RGS6: variants seen among roughly 807,000 people sequenced by gnomAD.
RGS6 encodes regulator of G-protein signaling 6.
In RGS6, 30 loss-of-function variants were observed where a neutral mutation model predicts 78.5. The ratio of observed to expected loss-of-function variants is 0.38; its 90% CI spans 0.29 to 0.52. The LOEUF (loss-of-function observed/expected upper bound fraction) is 0.52. RGS6 is among the 20% of genes least tolerant of loss of function. The pLI is 0.85. For missense variants in RGS6, 495 were observed against 609.7 expected (o/e 0.81, Z 1.98); for synonymous variants, 206 against 206.0 (o/e 1.00, Z 0.00).
intron 2 of RGS6, among the ~76,000 whole-genome samples, chr14:71,990,066 A>C (rs2094889790): frequency 6.6e-6 from 1 of 152,182 alleles, no homozygotes; most frequent in African/African-American, 2.4e-5. Flanking sequence ...GTCAAAGGAG[A>C]AGTGAGTACG....
At chr14:71,917,384 AG>A in the RGS6 span, among the ~76,000 whole-genome samples, 1 of 152,208 alleles carries the variant, frequency 6.6e-6, no homozygotes. Context: ...TGCTGTTAAA[AG>A]TATACATAAA....
At chr14:72,206,871 C>T (rs1054912866) in intron 2 of RGS6, among the ~76,000 whole-genome samples, 1 of 149,588 alleles carries the variant, frequency 6.7e-6, no homozygotes, top group Non-Finnish European at 1.5e-5. Flanking sequence ...ATATAAAATA[C>T]ATGTACAACC....
intron 3 of RGS6, among the ~76,000 whole-genome samples, chr14:72,413,864 A>T (rs531485100): frequency 1.3e-5 from 2 of 152,306 alleles, no homozygotes; most frequent in East Asian, 1.9e-4. Context: ...CTGGATTGAA[A>T]ATTCTTTTCT....
At chr14:72,425,014 T>C (rs1000885664) in intron 3 of RGS6, among the ~76,000 whole-genome samples, 10 of 152,226 alleles carry the variant, frequency 6.6e-5, no homozygotes, top group African/African-American at 2.4e-5. Context: ...AAGTGTTTGC[T>C]GAATGAATGA....
chr14:72,145,354 A>G (rs1360432698), intron 2 of RGS6, among the ~76,000 whole-genome samples: 1 of 152,184 alleles, frequency 6.6e-6, no homozygotes, highest in Non-Finnish European at 1.5e-5. Flanking sequence ...CAAACCATGG[A>G]CAGAATTCCT....
intron 2 of RGS6, among the ~76,000 whole-genome samples, chr14:72,024,863 T>G (rs1348503811): frequency 6.6e-6 from 1 of 152,130 alleles, no homozygotes; most frequent in Non-Finnish European, 1.5e-5. Context: ...ATAACAAAAT[T>G]CAAGGAATGT....
chr14:72,301,817 T>G (rs1372395705), intron 2 of RGS6, among the ~76,000 whole-genome samples: 1 of 152,122 alleles, frequency 6.6e-6, no homozygotes, highest in East Asian at 1.9e-4. Flanking sequence ...CTGTTGTATG[T>G]CTCCAAGTCC....
chr14:72,032,370 AAAT>A (rs1303354875), intron 2 of RGS6, among the ~76,000 whole-genome samples: 4 of 152,318 alleles, frequency 2.6e-5, no homozygotes, highest in Admixed American at 6.5e-5. Flanking sequence ...AAGTCAAAAT[AAAT>A]AATATCTCAA....
At chr14:72,204,964 T>A (rs2042383233) in intron 2 of RGS6, among the ~76,000 whole-genome samples, 1 of 151,954 alleles carries the variant, frequency 6.6e-6, no homozygotes, top group South Asian at 2.1e-4. Flanking sequence ...CCAGGCAGGG[T>A]TTTCCTGCAC....
chr14:72,434,376 A>C (rs1183610928), intron 3 of RGS6, among the ~76,000 whole-genome samples: 1 of 152,204 alleles, frequency 6.6e-6, no homozygotes, highest in African/African-American at 2.4e-5. Context: ...AAATGTTTTT[A>C]ATGTATCTCA....
At chr14:72,489,381 C>T (rs1249673417) in intron 12 of RGS6, among the ~76,000 whole-genome samples, 2 of 152,154 alleles carry the variant, frequency 1.3e-5, no homozygotes, top group Admixed American at 1.3e-4. Context: ...TCTCTGTATC[C>T]CCACATCCAG....
chr14:72,461,703 AAAACCAGT>A (rs1384414862), intron 6 of RGS6, among the ~76,000 whole-genome samples: 1 of 152,124 alleles, frequency 6.6e-6, no homozygotes, highest in South Asian at 2.1e-4. Flanking sequence ...AAAACAAAGA[AAAACCAGT>A]ACTCCCCAGG....
chr14:72,496,464 A>C (rs2096647003), intron 13 of RGS6, among the ~76,000 whole-genome samples: 1 of 152,272 alleles, frequency 6.6e-6, no homozygotes, highest in Non-Finnish European at 1.5e-5. Flanking sequence ...AGAACTGCAC[A>C]AAAATTAACA....
chr14:72,263,451 C>T (rs1196694096), intron 2 of RGS6, among the ~76,000 whole-genome samples: 3 of 152,172 alleles, frequency 2.0e-5, no homozygotes, highest in African/African-American at 7.2e-5. Flanking sequence ...TCTCTCTGCA[C>T]TCCTCCTCCA....
chr14:72,195,187 G>A (rs372907994), intron 2 of RGS6, among the ~76,000 whole-genome samples: 12 of 151,578 alleles, frequency 7.9e-5, no homozygotes, highest in African/African-American at 2.7e-4. Flanking sequence ...CGGCCTGGGC[G>A]ACAGAGTGAA....
downstream of RGS6, among the ~76,000 whole-genome samples, chr14:72,570,248 G>A (rs2097718764): frequency 6.6e-6 from 1 of 152,178 alleles, no homozygotes; most frequent in South Asian, 2.1e-4. Flanking sequence ...AAAGTATATA[G>A]GAGGATGTGC....
intron 3 of RGS6, among the ~76,000 whole-genome samples, chr14:72,384,352 C>T (rs2152908549): frequency 6.6e-6 from 1 of 152,262 alleles, no homozygotes. Flanking sequence ...ATATACATTT[C>T]AGTCCACACA....
intron 2 of RGS6, among the ~76,000 whole-genome samples, chr14:72,347,342 G>T (rs1566585906): frequency 6.6e-6 from 1 of 152,176 alleles, no homozygotes; most frequent in Non-Finnish European, 1.5e-5. Flanking sequence ...GGGACAAAGG[G>T]AGAGAGCCCT....
the RGS6 span, among the ~76,000 whole-genome samples, chr14:72,606,024 C>T: frequency 6.6e-6 from 1 of 152,078 alleles, no homozygotes; most frequent in Non-Finnish European, 1.5e-5. Flanking sequence ...TTTCCTTCCA[C>T]CCTTGTCCCC....
Sources: allele counts gnomAD v4.1 joint callset (sites outside exome capture counted in the v4.1 genomes callset), GRCh38; gene constraint gnomAD v4.1.1; transcripts MANE v1.5; gene names NCBI Gene and HGNC (gene_info 2026-07-23, HGNC 2026-07-21).